The following MEGF6 variants were observed in gnomAD, a reference collection of about 807,000 sequenced individuals.
The protein encoded by MEGF6 is multiple epidermal growth factor-like domains protein 6.
A neutral mutation model predicts 207.1 loss-of-function variants in MEGF6; 184 were observed. The observed-to-expected ratio is 0.89, with a 90% CI of 0.79 to 1.00. The LOEUF (loss-of-function observed/expected upper bound fraction) is 1.00. Ranked by LOEUF, MEGF6 falls within the 50% of genes least tolerant of loss-of-function variation. The probability of loss-of-function intolerance (pLI) is 0.00; values close to 1 mark genes in which losing one functional copy is unlikely to be tolerated. For synonymous variants in MEGF6, 1,038 were observed against 910.0 expected, an observed-to-expected ratio of 1.14 and a Z score of -2.53; for missense variants, 2,282 against 2,202.9, an observed-to-expected ratio of 1.04 and a Z score of -0.72.
intron 4 of MEGF6, chr1:3,531,163 T>C (rs1256905912): frequency 1.7e-5 from 26 of 1,524,450 alleles, no homozygotes; most frequent in Non-Finnish European, 2.2e-5. Flanking sequence ...GTAGCGGTAG[T>C]GCGTGCCCGC....
chr1:3,561,047 G>A lies in MEGF6; in HGVS notation c.481+18778C>T, dbSNP rs112961419. 5.9e-3 allele frequency among the ~76,000 whole-genome samples: 891 copies of A among 152,290 alleles called. 8 individuals carry two copies. The highest frequency in any genetic ancestry group is 0.02 in the African/African-American group (816 of 41,558). ...CATGAAGCTGAAGGTTCTCCCCCAA[G>A]TCTGCCCTGGTCTCTGGCAGGAGAT... On this transcript the variant is annotated intron_variant, in intron 4 of 36. Coordinates refer to ENST00000356575, the MANE Select transcript of MEGF6 (RefSeq NM_001409.4).
At chr1:3,499,342 G>A in intron 23 of MEGF6, 76 bp from the exon 24 acceptor site, 1 of 1,511,516 alleles carries the variant, frequency 6.6e-7, no homozygotes. Flanking sequence ...CAGCCAGCTG[G>A]GCAGATCTGC....
At position 3,510,999 on chromosome 1, in the gene MEGF6, G is replaced by A. The variant is rs527330703; in HGVS notation, c.1115-97C>T. On this transcript the variant is annotated intron_variant, in intron 9 of 36. Coordinates refer to ENST00000356575, the MANE Select transcript of MEGF6 (RefSeq NM_001409.4). ...CTGCATACGACCACACACAACCCAC[G>A]CGCCCGACTGCACCTGCAGCTGCCC... is the stretch of plus-strand genomic sequence containing the variant. The A allele has an allele frequency of 3.8e-5, 57 of 1,481,048 alleles. 1 individual carries two copies. The South Asian group carries it at 4.1e-4, about 11-fold the overall frequency. 91.7% of individuals were successfully genotyped at this position (1,481,048 alleles called of 1,614,324 possible).
At chr1:3,522,660 G>A (rs2101177622) in intron 5 of MEGF6, among the ~76,000 whole-genome samples, 1 of 152,152 alleles carries the variant, frequency 6.6e-6, no homozygotes, top group Non-Finnish European at 1.5e-5. Context: ...TTTCAGGGAA[G>A]GTCACCATCA....
intron 4 of MEGF6, among the ~76,000 whole-genome samples, chr1:3,534,475 G>A (rs10909959): frequency 0.23 from 35,314 of 152,124 alleles, 4,564 homozygotes; most frequent in Non-Finnish European, 0.28. Context: ...GGCCCCAGGC[G>A]AGCTGTGGAA....
At position 3,611,441 on chromosome 1, in the gene MEGF6, G is replaced by A. The variant is rs969974203; in HGVS notation, c.-173C>T. ...TCCCGGCTTCCCGCCCGCGCCCAAA[G>A]TGGCACCGCGGAGACCTGATCGCCG... On this transcript the variant is annotated 5_prime_UTR_variant, in exon 1 of 37. Transcript: ENST00000356575. 36 of 925,606 alleles carry A rather than the reference G, an allele frequency of 3.9e-5. No homozygotes were observed. Among genetic ancestry groups the A allele is most frequent in the Non-Finnish European group, 5.1e-5 (35 of 682,088 alleles). 57.3% of individuals were successfully genotyped at this position (925,606 alleles called of 1,614,324 possible).
intron 5 of MEGF6, among the ~76,000 whole-genome samples, chr1:3,519,523 C>G (rs1271299294): frequency 6.6e-6 from 1 of 152,252 alleles, no homozygotes; most frequent in Non-Finnish European, 1.5e-5. Context: ...TGGGGGAGGC[C>G]CCGACCCAGG....
intron 4 of MEGF6, among the ~76,000 whole-genome samples, chr1:3,538,740 G>C (rs1642410495): frequency 7.0e-6 from 1 of 143,334 alleles, no homozygotes; most frequent in Non-Finnish European, 1.6e-5. Flanking sequence ...GTGTGTGTGT[G>C]TGTGTCCGCG....
At chr1:3,624,317 C>T in the MEGF6 span, 1 of 152,268 alleles carries the variant, frequency 6.6e-6, no homozygotes, top group African/African-American at 2.4e-5. Flanking sequence ...CATGTTCCAC[C>T]TCGAACTGCG....
Position 3,499,594 on chromosome 1 carries a change from C to T in MEGF6, c.2959G>A (p.Ala987Thr). The T allele has an allele frequency of 6.3e-7, 1 of 1,579,184 alleles. No homozygotes were observed. The highest frequency in any genetic ancestry group is 2.3e-5 in the East Asian group (1 of 43,450). ...CPAGRRGPRC[A>T]ETCPAHTYGH... ...GAGCAGGGACCTCACGCACTCTCGG[C>T]ACAGCGGGGGCCCCGGCGGCCAGCG... is the stretch of plus-strand genomic sequence containing the variant. The change falls in exon 23 of 37, where the codon GCC becomes ACC. Residue 987 changes from alanine to threonine, a missense_variant. Coordinates refer to ENST00000356575, the MANE Select transcript of MEGF6 (RefSeq NM_001409.4).
chr1:3,549,835 ACCAGACAGGC>A (rs59430540), intron 4 of MEGF6, among the ~76,000 whole-genome samples: 92 of 152,356 alleles, frequency 6.0e-4, no homozygotes, highest in African/African-American at 1.7e-3. Flanking sequence ...CTACGTGGGC[ACCAGACAGGC>A]CCCTTGCTCC....
At chr1:3,525,153 A>G (rs538434275) in intron 4 of MEGF6, among the ~76,000 whole-genome samples, 2 of 152,282 alleles carry the variant, frequency 1.3e-5, no homozygotes, top group Admixed American at 1.3e-4. Context: ...AAGGACCCAG[A>G]AGGCCACCAT....
At chr1:3,553,994 G>A (rs1166770175) in intron 4 of MEGF6, among the ~76,000 whole-genome samples, 2 of 152,198 alleles carry the variant, frequency 1.3e-5, no homozygotes, top group African/African-American at 4.8e-5. Context: ...GCTCCCCTCC[G>A]CCAACACCTC....
chr1:3,617,957 C>G, the MEGF6 span, among the ~76,000 whole-genome samples: 1 of 152,162 alleles, frequency 6.6e-6, no homozygotes, highest in Non-Finnish European at 1.5e-5. Flanking sequence ...GTGAGGCACC[C>G]AAGGCCCTGT....
chr1:3,602,508 G>T lies in MEGF6; in HGVS notation c.224C>A (p.Ala75Asp), dbSNP rs544529843. The T allele has an allele frequency of 4.3e-6, 7 of 1,613,374 alleles. No individual in the cohort carries two copies. The African/African-American group carries it at 9.3e-5, about 21-fold the overall frequency. The change falls in exon 2 of 37, where the codon GCC (alanine) becomes GAC (aspartate). Residue 75 changes from alanine (A) to aspartate (D), a missense_variant. By Grantham distance (126) the Ala-to-Asp change is moderately radical. Transcript: ENST00000356575. Reference sequence around the variant, plus strand: ...GCACCACGCCTGCCACCCACAGCCGGCCTTCCACACCGGCACCGTGTGGCT... The same window carrying T: ...GCACCACGCCTGCCACCCACAGCCGTCCTTCCACACCGGCACCGTGTGGCT... ...ALSHTVPVWK[A>D]GCGWQAWCVG... is the part of the protein sequence containing the mutation.
At position 3,515,436 on chromosome 1, in the gene MEGF6, C is replaced by G; in HGVS notation, c.696G>C (p.Gly232=). The change falls in exon 6 of 37, where the codon GGG becomes GGC. Residue 232 remains glycine, a synonymous_variant. Transcript: ENST00000356575. ...GCCTGCCGTCCTCCTGGAGCTGGAA[C>G]CCGGGCCGGCACTGGCAGCGATGCC... The part of the protein sequence containing the change: ...ITRHRCQCRP[G]FQLQEDGRHC... 6.2e-7 allele frequency: 1 copy of G among 1,612,600 alleles called. No individual in the cohort carries two copies. The highest frequency in any genetic ancestry group is 8.5e-7 in the Non-Finnish European group (1 of 1,179,890).
chr1:3,500,828 G>C, intron 20 of MEGF6, 64 bp from the exon 21 acceptor site: 9 of 1,594,440 alleles, frequency 5.6e-6, no homozygotes, highest in Non-Finnish European at 7.7e-6. Context: ...CCACAGCCGA[G>C]TCAGGCACAG....
chr1:3,490,873 C>T, intron 36 of MEGF6, 39 bp downstream of exon 36: 1 of 1,560,386 alleles, frequency 6.4e-7, no homozygotes, highest in Non-Finnish European at 8.7e-7. Flanking sequence ...CATAACCCAC[C>T]CTCCTGGCAA....
intron 4 of MEGF6, among the ~76,000 whole-genome samples, chr1:3,546,262 T>C (rs1642701035): frequency 6.6e-6 from 1 of 152,204 alleles, no homozygotes; most frequent in Admixed American, 6.5e-5. Flanking sequence ...TGTCCTTGAC[T>C]TTGCTGCCAG....
Sources: gnomAD v4.1 joint callset for allele counts (sites outside exome capture counted in the v4.1 genomes callset) on GRCh38, gnomAD v4.1.1 for gene constraint, MANE v1.5 for transcripts, NCBI Gene and HGNC (gene_info 2026-07-23, HGNC 2026-07-21) for gene names.